CAMTA1: variants seen among roughly 807,000 people sequenced by gnomAD.
CAMTA1 encodes calmodulin binding transcription activator 1.
CAMTA1 carries 27 observed loss-of-function variants against 170.9 expected under a neutral mutation model. The ratio of observed to expected loss-of-function variants is 0.16; its 90% CI spans 0.12 to 0.22. The LOEUF (loss-of-function observed/expected upper bound fraction) is 0.22. Among genes scored for constraint, CAMTA1 ranks in the 10% least tolerant of loss-of-function variants. CAMTA1 has a pLI of 1.00. For missense variants in CAMTA1, 1,619 were observed against 2,217.2 expected, an observed-to-expected ratio of 0.73 and a Z score of 5.42; for synonymous variants, 833 against 891.5, an observed-to-expected ratio of 0.93 and a Z score of 1.17.
intron 4 of CAMTA1, among the ~76,000 whole-genome samples, chr1:7,103,751 A>C (rs1047265664): frequency 6.6e-6 from 1 of 151,894 alleles, no homozygotes; most frequent in Non-Finnish European, 1.5e-5. Flanking sequence ...CACACAATAC[A>C]TTACACACAT....
chr1:6,955,969 TC>T (rs1049223689), intron 3 of CAMTA1, among the ~76,000 whole-genome samples: 1 of 152,172 alleles, frequency 6.6e-6, no homozygotes, highest in African/African-American at 2.4e-5. Context: ...TCAGGGCTGT[TC>T]CTGCAGCTTC....
At chr1:7,747,906 G>GT (rs34083763) in intron 19 of CAMTA1, 125 bp downstream of exon 19, 9,688 of 423,158 alleles carry the variant, frequency 0.023, 53 homozygotes, top group African/African-American at 0.051. Context: ...TTTTTTGGTT[G>GT]TTTTTTTTTT....
At chr1:6,923,005 T>A (rs1488299495) in intron 3 of CAMTA1, among the ~76,000 whole-genome samples, 1 of 152,130 alleles carries the variant, frequency 6.6e-6, no homozygotes, top group South Asian at 2.1e-4. Flanking sequence ...TAAGGTAGAT[T>A]CCATCAAATA....
intron 5 of CAMTA1, among the ~76,000 whole-genome samples, chr1:7,313,812 G>A (rs767540959): frequency 1.9e-4 from 29 of 152,274 alleles, no homozygotes; most frequent in Non-Finnish European, 2.5e-4. Context: ...GACAGACAGT[G>A]CCTGTGAAAA....
chr1:7,675,070 T>TTCCAGAA (rs2096102076), intron 10 of CAMTA1, among the ~76,000 whole-genome samples: 1 of 152,190 alleles, frequency 6.6e-6, no homozygotes, highest in Non-Finnish European at 1.5e-5. Context: ...AGGTTCCTTC[T>TTCCAGAA]GGAACATGGA....
At chr1:7,647,876 G>T (rs1203621443) in intron 7 of CAMTA1, among the ~76,000 whole-genome samples, 2 of 152,226 alleles carry the variant, frequency 1.3e-5, no homozygotes, top group Non-Finnish European at 2.9e-5. Context: ...TTGAGCCCAG[G>T]AGTTCAAGAT....
intron 3 of CAMTA1, among the ~76,000 whole-genome samples, chr1:6,990,602 G>A (rs1696192126): frequency 6.6e-6 from 1 of 152,088 alleles, no homozygotes; most frequent in Admixed American, 6.6e-5. Context: ...GTCTACCCAT[G>A]TAACCCAAAC....
chr1:7,537,568 A>G lies in CAMTA1; in HGVS notation c.510+69667A>G, dbSNP rs529195661. On this transcript the variant is annotated intron_variant, in intron 6 of 22. Transcript: ENST00000303635. ...GGGGCTGAGCCCACGAGGCTGCCAG[A>G]CCCTGGGGACGCTGGTCCTCAAGGC... 7.2e-5 allele frequency among the ~76,000 whole-genome samples: 11 copies of G among 152,274 alleles called. No homozygotes were observed. The South Asian group carries it at 2.3e-3, about 32-fold the overall frequency.
intron 6 of CAMTA1, among the ~76,000 whole-genome samples, chr1:7,568,532 G>GACAACCATCATCAA (rs2095076817): frequency 6.9e-5 from 7 of 101,560 alleles, no homozygotes; most frequent in African/African-American, 2.3e-4. Flanking sequence ...ACCATCATCA[G>GACAACCATCATCAA]CATCACCATC....
chr1:7,001,887 T>C (rs1412999344), intron 3 of CAMTA1, among the ~76,000 whole-genome samples: 2 of 116,470 alleles, frequency 1.7e-5, no homozygotes, highest in Admixed American at 1.7e-4. Flanking sequence ...TCTTTCTTCT[T>C]CTTCTTCTTC....
rs75959487 is a variant in CAMTA1, at chr1:7,078,100, G to A, written c.235-13204G>A. Among the ~76,000 whole-genome samples, 1,387 of 152,330 alleles carry A rather than the reference G, an allele frequency of 9.1e-3. 22 individuals carry two copies. Among genetic ancestry groups the A allele is most frequent in the African/African-American group, 0.031 (1,303 of 41,572 alleles). On this transcript the variant is annotated intron_variant, in intron 3 of 22. Coordinates refer to ENST00000303635, the MANE Select transcript of CAMTA1 (RefSeq NM_015215.4). ...GTGGCTACACAAAGACCAAGTGGATGCAGCATATTTTTGCATAGCTTATCC... is the reference window on the plus strand; with the variant it reads ...GTGGCTACACAAAGACCAAGTGGATACAGCATATTTTTGCATAGCTTATCC...
chr1:7,395,620 G>A (rs2089237248), intron 5 of CAMTA1, among the ~76,000 whole-genome samples: 1 of 152,014 alleles, frequency 6.6e-6, no homozygotes. Flanking sequence ...AATGTTATTG[G>A]TATTTTGATA....
intron 5 of CAMTA1, among the ~76,000 whole-genome samples, chr1:7,281,376 AGTT>A (rs1671483533): frequency 6.6e-6 from 1 of 152,232 alleles, no homozygotes; most frequent in South Asian, 2.1e-4. Flanking sequence ...AGAAAATAAA[AGTT>A]GTAGAAACAA....
intron 3 of CAMTA1, among the ~76,000 whole-genome samples, chr1:6,879,301 T>A (rs2149050868): frequency 6.6e-6 from 1 of 152,334 alleles, no homozygotes; most frequent in Admixed American, 6.5e-5. Flanking sequence ...GAAGCCTGTG[T>A]CTTGGCTGGT....
chr1:7,272,070 C>T (rs1268448439), intron 5 of CAMTA1, among the ~76,000 whole-genome samples: 1 of 152,016 alleles, frequency 6.6e-6, no homozygotes, highest in African/African-American at 2.4e-5. Flanking sequence ...GAGGAGGGAA[C>T]ATTTCAATTA....
intron 2 of CAMTA1, among the ~76,000 whole-genome samples, chr1:6,822,924 A>G (rs925279470): frequency 6.6e-6 from 1 of 152,144 alleles, no homozygotes; most frequent in Non-Finnish European, 1.5e-5. Context: ...GTGATCACAA[A>G]CATAGAAGCT....
At chr1:7,051,102 C>G (rs1706277523) in intron 3 of CAMTA1, among the ~76,000 whole-genome samples, 1 of 152,162 alleles carries the variant, frequency 6.6e-6, no homozygotes, top group Non-Finnish European at 1.5e-5. Flanking sequence ...CTCTGGTGAT[C>G]TGGAGACACG....
Position 7,681,283 on chromosome 1 carries a change from A to G in CAMTA1, c.2914+3550A>G, listed in dbSNP as rs1363893366. 6.6e-6 allele frequency among the ~76,000 whole-genome samples: 1 copy of G among 152,186 alleles called. No individual in the cohort carries two copies. The highest frequency in any genetic ancestry group is 1.5e-5 in the Non-Finnish European group (1 of 68,034). On this transcript the variant is annotated intron_variant, in intron 11 of 22. Coordinates refer to ENST00000303635, the MANE Select transcript of CAMTA1 (RefSeq NM_015215.4). This position sits in a 1 kb window ranked among gnomAD's most constrained non-coding sequence, Gnocchi z 4.6. Reference sequence around the variant, plus strand: ...AATGCAGGCACACGTGAATGAGTGCAGGAGGGACTGTCAAAAAGCTGAATC... The same window carrying G: ...AATGCAGGCACACGTGAATGAGTGCGGGAGGGACTGTCAAAAAGCTGAATC...
Position 7,146,407 on chromosome 1 carries a change from A to C in CAMTA1, c.302+55036A>C, listed in dbSNP as rs1473799295. Reference sequence around the variant, plus strand: ...AGAATGTGTAGGAAGGTTATCTTTCAATTAAGAAGGGCAGTAATGCTTCCC... The same window carrying C: ...AGAATGTGTAGGAAGGTTATCTTTCCATTAAGAAGGGCAGTAATGCTTCCC... On this transcript the variant is annotated intron_variant, in intron 4 of 22. Transcript: ENST00000303635. The surrounding 1 kb of genome is among the most constrained non-coding windows in gnomAD (Gnocchi z 4.3). Among the ~76,000 whole-genome samples, 1 of 152,196 alleles carries C rather than the reference A, an allele frequency of 6.6e-6. No individual in the cohort carries two copies. The highest frequency in any genetic ancestry group is 1.5e-5 in the Non-Finnish European group (1 of 68,026).
Sources: gnomAD v4.1 joint callset for allele counts (sites outside exome capture counted in the v4.1 genomes callset) on GRCh38, gnomAD v4.1.1 for gene constraint, Gnocchi (gnomAD v3.1) non-coding constraint, MANE v1.5 for transcripts, NCBI Gene and HGNC (gene_info 2026-07-23, HGNC 2026-07-21) for gene names.